Variants in ALDH1B1 observed in about 807,000 individuals in gnomAD.
The protein encoded by ALDH1B1 is aldehyde dehydrogenase family 1 member B1, mitochondrial.
In ALDH1B1, 19 loss-of-function variants were observed where a neutral mutation model predicts 26.2. The observed-to-expected ratio is 0.72, with a 90% CI of 0.51 to 1.06. The LOEUF (loss-of-function observed/expected upper bound fraction) is 1.06. Among genes scored for constraint, ALDH1B1 ranks in the 50% least tolerant of loss-of-function variants. The probability of loss-of-function intolerance (pLI) is 0.00; values close to 1 mark genes in which losing one functional copy is unlikely to be tolerated. For synonymous variants in ALDH1B1, 249 were observed against 286.0 expected (o/e 0.87, Z 1.31); for missense variants, 671 against 683.1 (o/e 0.98, Z 0.20).
At chr9:38,395,150 A>C (rs931452555) in intron 1 of ALDH1B1, among the ~76,000 whole-genome samples, 61 of 152,326 alleles carry the variant, frequency 4.0e-4, no homozygotes, top group Admixed American at 9.1e-4. Flanking sequence ...CTCTCAGAGA[A>C]CAACCATCTC....
At position 38,397,110 on chromosome 9, in the gene ALDH1B1, C is replaced by T. The variant is rs1563915537; in HGVS notation, c.1362C>T (p.Asp454=). The T allele has an allele frequency of 6.2e-7, 1 of 1,614,182 alleles. No homozygotes were observed. Among genetic ancestry groups the T allele is most frequent in the East Asian group, 2.2e-5 (1 of 44,876 alleles). Residue 454 remains aspartate (D), a synonymous_variant, in exon 2 of 2, where the codon GAC becomes GAT. Coordinates refer to ENST00000377698, the MANE Select transcript of ALDH1B1 (RefSeq NM_000692.5). ...LAAAVFTRDL[D]KAMYFTQALQ... The stretch of plus-strand genomic sequence containing the variant: ...CGGCTGTGTTCACCCGGGATCTGGA[C>T]AAGGCCATGTACTTCACCCAGGCAC...
At chr9:38,392,830 C>G in intron 1 of ALDH1B1, 23 bp downstream of exon 1, 1 of 985,824 alleles carries the variant, frequency 1.0e-6, no homozygotes, top group Non-Finnish European at 1.2e-6. Flanking sequence ...GGTCTCCCCT[C>G]GGCTCCCTCG....
At chr9:38,395,651 A>G in intron 1 of ALDH1B1, 89 bp from the exon 2 acceptor site, 2 of 1,481,178 alleles carry the variant, frequency 1.4e-6, no homozygotes, top group Non-Finnish European at 9.0e-7. Context: ...TTATGCTGGA[A>G]TCTTGAAATG....
At chr9:38,393,507 C>T (rs1235811687) in intron 1 of ALDH1B1, among the ~76,000 whole-genome samples, 3 of 152,228 alleles carry the variant, frequency 2.0e-5, no homozygotes, top group Non-Finnish European at 4.4e-5. Flanking sequence ...AGAGTAGGAA[C>T]GGCCTTGGTG....
Position 38,396,183 on chromosome 9 carries a change from G to A in ALDH1B1, c.435G>A (p.Val145=). ...TGGACTTGGATGAGGTCATCAAGGT[G>A]TATCGGTACTTTGCTGGCTGGGCTG... ...YALDLDEVIK[V]YRYFAGWADK... Residue 145 remains valine (V), a synonymous_variant, in exon 2 of 2, where the codon GTG becomes GTA. Coordinates refer to ENST00000377698, the MANE Select transcript of ALDH1B1 (RefSeq NM_000692.5). 6.2e-7 allele frequency: 1 copy of A among 1,614,212 alleles called. No homozygotes were observed. Among genetic ancestry groups the A allele is most frequent in the Non-Finnish European group, 8.5e-7 (1 of 1,180,048 alleles).
At position 38,396,067 on chromosome 9, in the gene ALDH1B1, C is replaced by T. The variant is rs770857076; in HGVS notation, c.319C>T (p.Arg107Cys). Reference protein sequence around the residue: ...DASERGRLLNRLADLVERDRV... With the variant: ...DASERGRLLNCLADLVERDRV... ...CTCTGAGCGGGGCCGGCTGCTGAAC[C>T]GCCTGGCAGACCTAGTGGAGCGGGA... Residue 107 changes from arginine to cysteine, a missense_variant, in exon 2 of 2, where the codon CGC becomes TGC. Coordinates refer to ENST00000377698, the MANE Select transcript of ALDH1B1 (RefSeq NM_000692.5). 2.6e-5 allele frequency: 42 copies of T among 1,613,998 alleles called. No homozygotes were observed. In the Middle Eastern group the frequency reaches 1.8e-3, roughly 69 times the overall value.
rs754801793 is a variant in ALDH1B1 at position 38,396,813 on chromosome 9, C to T, written c.1065C>T (p.Asp355=). The part of the protein sequence containing the change: ...QRKVGNPFEL[D]TQQGPQVDKE... Reference sequence around the variant, plus strand: ...AAGTGGGGAACCCCTTTGAGCTGGACACCCAGCAGGGGCCTCAGGTGGACA... The same window carrying T: ...AAGTGGGGAACCCCTTTGAGCTGGATACCCAGCAGGGGCCTCAGGTGGACA... Residue 355 remains aspartate, a synonymous_variant, in exon 2 of 2, where the codon GAC becomes GAT. Transcript: ENST00000377698. 1 of 1,614,232 alleles carries T rather than the reference C, an allele frequency of 6.2e-7. No individual in the cohort carries two copies. Among genetic ancestry groups the T allele is most frequent in the African/African-American group, 1.3e-5 (1 of 75,068 alleles).
At chr9:38,394,543 C>T (rs551065599) in intron 1 of ALDH1B1, 12 of 963,746 alleles carry the variant, frequency 1.2e-5, no homozygotes, top group Admixed American at 6.2e-5. Flanking sequence ...CCTTCCACTT[C>T]GGCCTACCAA....
Position 38,397,347 on chromosome 9 carries a change from A to G in ALDH1B1, c.*45A>G. Reference sequence around the variant, plus strand: ...CCAGTCACAGTCCAGCAATTCCACAACCACCTTGACGAATGCTTGCCAAGC... The same window carrying G: ...CCAGTCACAGTCCAGCAATTCCACAGCCACCTTGACGAATGCTTGCCAAGC... On this transcript the variant is annotated 3_prime_UTR_variant, in exon 2 of 2. Transcript: ENST00000377698. 6.5e-7 allele frequency: 1 copy of G among 1,548,430 alleles called. No homozygotes were observed. The highest frequency in any genetic ancestry group is 1.4e-5 in the African/African-American group (1 of 73,408).
chr9:38,397,146 G>A lies in ALDH1B1; in HGVS notation c.1398G>A (p.Gly466=), dbSNP rs267602240. The change falls in exon 2 of 2, where the codon GGG becomes GGA. Residue 466 remains glycine, a synonymous_variant. Transcript: ENST00000377698. ...ACTTCACCCAGGCACTCCAGGCCGGGACCGTGTGGGTAAACACCTACAACA... is the reference window on the plus strand; with the variant it reads ...ACTTCACCCAGGCACTCCAGGCCGGAACCGTGTGGGTAAACACCTACAACA... ...AMYFTQALQA[G]TVWVNTYNIV... The A allele has an allele frequency of 1.2e-6, 2 of 1,614,082 alleles. No homozygotes were observed. Among genetic ancestry groups the A allele is most frequent in the Non-Finnish European group, 1.7e-6 (2 of 1,180,058 alleles).
chr9:38,395,631 T>G, intron 1 of ALDH1B1, 109 bp from the exon 2 acceptor site: 1 of 1,420,186 alleles, frequency 7.0e-7, no homozygotes, highest in East Asian at 2.4e-5. Flanking sequence ...TTTTTAGAGG[T>G]GACAGTCCTT....
Position 38,397,400 on chromosome 9 carries a change from T to C in ALDH1B1, c.*98T>C. The C allele has an allele frequency of 4.2e-6, 6 of 1,417,806 alleles. No homozygotes were observed. The highest frequency in any genetic ancestry group is 5.6e-6 in the Non-Finnish European group (6 of 1,068,144). The allele number at this position is 1,417,806 out of a possible 1,614,324, so 87.8% of individuals were successfully genotyped here. A position where few individuals can be genotyped will look rare whatever the true frequency, so the allele number is the denominator to read the frequency against. ...TTTTAAAGCCAAGAACACCCTTTCT[T>C]TGTTCCAAATTAACTCTTAGAAGAA... On this transcript the variant is annotated 3_prime_UTR_variant, in exon 2 of 2. Transcript: ENST00000377698.
intron 1 of ALDH1B1, among the ~76,000 whole-genome samples, chr9:38,393,880 G>A (rs540470294): frequency 6.0e-5 from 9 of 149,668 alleles, no homozygotes; most frequent in Non-Finnish European, 3.0e-5. Context: ...GCATGCCACA[G>A]TACCAAGCGT....
At position 38,395,820 on chromosome 9, in the gene ALDH1B1, C is replaced by A; in HGVS notation, c.72C>A (p.Ala24=). 1 of 1,612,946 alleles carries A rather than the reference C, an allele frequency of 6.2e-7. No homozygotes were observed. Among genetic ancestry groups the A allele is most frequent in the Non-Finnish European group, 8.5e-7 (1 of 1,179,982 alleles). ...GRTARYSSAA[A]LPSPILNPDI... is the part of the protein sequence containing the mutation. Reference sequence around the variant, plus strand: ...CCGCCCGCTACTCCTCGGCAGCAGCCCTCCCAAGCCCCATTCTGAACCCAG... The same window carrying A: ...CCGCCCGCTACTCCTCGGCAGCAGCACTCCCAAGCCCCATTCTGAACCCAG... Residue 24 remains alanine (A), a synonymous_variant, in exon 2 of 2, where the codon GCC becomes GCA. Coordinates refer to ENST00000377698, the MANE Select transcript of ALDH1B1 (RefSeq NM_000692.5).
In ALDH1B1 at chr9:38,397,117, A is replaced by G; in HGVS notation, c.1369A>G (p.Met457Val). The G allele has an allele frequency of 1.2e-6, 2 of 1,614,192 alleles. No individual in the cohort carries two copies. The highest frequency in any genetic ancestry group is 1.7e-6 in the Non-Finnish European group (2 of 1,180,032). The change falls in exon 2 of 2, where the codon ATG (methionine) becomes GTG (valine). Residue 457 changes from methionine to valine, a missense_variant. Coordinates refer to ENST00000377698, the MANE Select transcript of ALDH1B1 (RefSeq NM_000692.5). ...GTTCACCCGGGATCTGGACAAGGCC[A>G]TGTACTTCACCCAGGCACTCCAGGC... The part of the protein sequence containing the change: ...AVFTRDLDKA[M>V]YFTQALQAGT...
At chr9:38,393,272 A>G (rs548784486) in intron 1 of ALDH1B1, among the ~76,000 whole-genome samples, 115 of 152,244 alleles carry the variant, frequency 7.6e-4, no homozygotes, top group African/African-American at 2.6e-3. Flanking sequence ...TGAGGCTCCT[A>G]TACTTTCTTG....
intron 1 of ALDH1B1, 107 bp from the exon 2 acceptor site, chr9:38,395,633 A>G: frequency 7.0e-7 from 1 of 1,427,698 alleles, no homozygotes; most frequent in Non-Finnish European, 9.3e-7. Flanking sequence ...TTTAGAGGTG[A>G]CAGTCCTTTA....
chr9:38,394,681 C>T (rs1728665320), intron 1 of ALDH1B1: 1 of 982,616 alleles, frequency 1.0e-6, no homozygotes. Context: ...GGGTGAGAGG[C>T]TGGGGGTGAA....
intron 1 of ALDH1B1, among the ~76,000 whole-genome samples, chr9:38,393,479 A>T (rs1049000225): frequency 1.3e-5 from 2 of 152,204 alleles, no homozygotes; most frequent in Admixed American, 6.5e-5. Flanking sequence ...CCCCAGCAAG[A>T]ACCCCATATA....
Sources: gnomAD v4.1 joint callset for allele counts (sites outside exome capture counted in the v4.1 genomes callset) on GRCh38, gnomAD v4.1.1 for gene constraint, MANE v1.5 for transcripts, NCBI Gene and HGNC (gene_info 2026-07-23, HGNC 2026-07-21) for gene names.